MYO7B: variants seen among roughly 807,000 people sequenced by gnomAD.
MYO7B encodes the protein myosin VIIB.
MYO7B carries 212 observed loss-of-function variants against 259.7 expected under a neutral mutation model. That is an observed-to-expected ratio of 0.82 (90% CI 0.73 to 0.91). The LOEUF is 0.91. Among genes scored for constraint, MYO7B ranks in the 40% least tolerant of loss-of-function variants. The pLI is 0.00. For synonymous variants in MYO7B, 1,197 were observed against 1,166.4 expected (o/e 1.03, Z -0.54); for missense variants, 2,732 against 2,813.5 (o/e 0.97, Z 0.66).
chr2:127,636,154 G>A lies in MYO7B; in HGVS notation c.6007-54G>A. ...GGTAGGCAGGTGCTGCCCCCACCAGGGCTTTGGAGGGCCTCTGGGCACCCA... is the reference window on the plus strand; with the variant it reads ...GGTAGGCAGGTGCTGCCCCCACCAGAGCTTTGGAGGGCCTCTGGGCACCCA... On this transcript the variant is annotated intron_variant, in intron 44 of 47. Coordinates refer to ENST00000409816, the MANE Select transcript of MYO7B (RefSeq NM_001393586.1). The surrounding 1 kb of genome is among the most constrained non-coding windows in gnomAD (Gnocchi z 4.5). 2 of 1,442,448 alleles carry A rather than the reference G, an allele frequency of 1.4e-6. No homozygotes were observed. The highest frequency in any genetic ancestry group is 1.9e-6 in the Non-Finnish European group (2 of 1,033,642). 89.4% of individuals were successfully genotyped at this position (1,442,448 alleles called of 1,614,324 possible). A position where few individuals can be genotyped will look rare whatever the true frequency, so the allele number is the denominator to read the frequency against.
intron 1 of MYO7B, among the ~76,000 whole-genome samples, chr2:127,552,677 G>A (rs540651739): frequency 3.3e-5 from 5 of 152,222 alleles, no homozygotes; most frequent in East Asian, 3.9e-4. Flanking sequence ...ATGCTGCAGC[G>A]GGGAGGAGGG....
rs1019917444 is a variant in MYO7B, at chr2:127,596,540, C to T, written c.2323C>T (p.Arg775Trp). The change falls in exon 19 of 48, where the codon CGG (arginine) becomes TGG (tryptophan). Residue 775 changes from arginine (R) to tryptophan (W), a missense_variant. Physicochemically the swap from Arg to Trp is moderately radical, Grantham distance 101 (BLOSUM62 -3). Transcript: ENST00000409816. Reference protein sequence around the residue: ...RAALSIQKVLRGYRYRKEFLR... With the variant: ...RAALSIQKVLWGYRYRKEFLR... Reference sequence around the variant, plus strand: ...GGCGCTCAGCATCCAGAAAGTCCTTCGGGGCTACAGATACAGGTGCCGGCC... The same window carrying T: ...GGCGCTCAGCATCCAGAAAGTCCTTTGGGGCTACAGATACAGGTGCCGGCC... The T allele has an allele frequency of 1.1e-5, 17 of 1,612,378 alleles. No homozygotes were observed. The highest frequency in any genetic ancestry group is 1.3e-5 in the African/African-American group (1 of 75,000).
chr2:127,631,196 A>C lies in MYO7B; in HGVS notation c.4938-10A>C. ...CAGGGCAGGCCTCACACCAGCCTCT[A>C]ACCTCACAGGGCTCCAGAGAAGGAC... On this transcript the variant is annotated splice_polypyrimidine_tract_variant and intron_variant, in intron 36 of 47. Coordinates refer to ENST00000409816, the MANE Select transcript of MYO7B (RefSeq NM_001393586.1). 1.9e-6 allele frequency: 3 copies of C among 1,589,398 alleles called. No individual in the cohort carries two copies. The highest frequency in any genetic ancestry group is 2.6e-6 in the Non-Finnish European group (3 of 1,163,490).
intron 14 of MYO7B, among the ~76,000 whole-genome samples, chr2:127,587,767 C>T (rs943460418): frequency 1.3e-5 from 2 of 151,906 alleles, no homozygotes; most frequent in African/African-American, 4.8e-5. Context: ...CAGGGTTTCA[C>T]CATGTTGGTC....
chr2:127,565,184 C>T, intron 3 of MYO7B, 49 bp from the exon 4 acceptor site: 1 of 1,581,954 alleles, frequency 6.3e-7, no homozygotes. Context: ...GCAGGCTGGC[C>T]ATGGGGATGG....
rs767222044 is a variant in MYO7B, at chr2:127,620,341, G to T, written c.3400G>T (p.Asp1134Tyr). 1 of 1,611,336 alleles carries T rather than the reference G, an allele frequency of 6.2e-7. No individual in the cohort carries two copies. Among genetic ancestry groups the T allele is most frequent in the Non-Finnish European group, 8.5e-7 (1 of 1,178,052 alleles). Residue 1134 changes from aspartate to tyrosine, a missense_variant and splice_region_variant, in exon 27 of 48, where the codon GAT (aspartate) becomes TAT (tyrosine). This residue lies in a region of MYO7B where 1,906 missense variants were observed against 2,026.4 expected (regional missense o/e 0.94). Transcript: ENST00000409816. ...CTCCTAATGGTCTGTGTCTTTCAGG[G>T]ATGAGATTTACTGCCAGATCTGCAA... The part of the protein sequence containing the change: ...GYAILRPSLR[D>Y]EIYCQICKQL...
At chr2:127,555,963 CT>C (rs1483327314) in intron 1 of MYO7B, among the ~76,000 whole-genome samples, 1 of 152,160 alleles carries the variant, frequency 6.6e-6, no homozygotes, top group Non-Finnish European at 1.5e-5. Flanking sequence ...TGACTTCTGT[CT>C]TGAGGACCTG....
At chr2:127,562,104 G>A (rs1324645728) in intron 2 of MYO7B, among the ~76,000 whole-genome samples, 1 of 152,000 alleles carries the variant, frequency 6.6e-6, no homozygotes, top group African/African-American at 2.4e-5. Context: ...GTTGGATTAG[G>A]ACCACACCCT....
chr2:127,625,930 A>G (rs1681086036), intron 31 of MYO7B: 1 of 201,268 alleles, frequency 5.0e-6, no homozygotes, highest in Non-Finnish European at 9.9e-6. Flanking sequence ...GTGCATGGGA[A>G]CCCCCCAGGC....
chr2:127,592,969 C>T, intron 17 of MYO7B, 23 bp downstream of exon 17: 1 of 1,565,150 alleles, frequency 6.4e-7, no homozygotes, highest in Non-Finnish European at 8.6e-7. Flanking sequence ...CGGGGACGGT[C>T]ACCTCTGGCC....
chr2:127,613,254 G>A lies in MYO7B; in HGVS notation c.3398+651G>A, dbSNP rs192056487. Among the ~76,000 whole-genome samples, 307 of 152,216 alleles carry A rather than the reference G, an allele frequency of 2.0e-3. 4 individuals carry two copies. The highest frequency in any genetic ancestry group is 1.6e-3 in the Non-Finnish European group (110 of 68,018). Reference sequence around the variant, plus strand: ...TTGTTCTTCAGGTACCTAGGGGTCTGCTTATCTTTTCTTTCTTTTTTCTCT... The same window carrying A: ...TTGTTCTTCAGGTACCTAGGGGTCTACTTATCTTTTCTTTCTTTTTTCTCT... On this transcript the variant is annotated intron_variant, in intron 26 of 47. Transcript: ENST00000409816. The surrounding 1 kb of genome is among the most constrained non-coding windows in gnomAD (Gnocchi z 4.3).
Position 127,597,786 on chromosome 2 carries a change from C to T in MYO7B, c.2339+1230C>T, listed in dbSNP as rs954176130. Among the ~76,000 whole-genome samples the T allele has an allele frequency of 2.6e-5, 4 of 152,004 alleles. No homozygotes were observed. The highest frequency in any genetic ancestry group is 1.3e-4 in the Admixed American group (2 of 15,242). On this transcript the variant is annotated intron_variant, in intron 19 of 47. Coordinates refer to ENST00000409816, the MANE Select transcript of MYO7B (RefSeq NM_001393586.1). The surrounding 1 kb of genome is among the most constrained non-coding windows in gnomAD (Gnocchi z 4.8). Reference sequence around the variant, plus strand: ...AGTAGCTGGTACTACTACAGGCGCCCGCCACCATGCCTGGCTAATTATTGT... The same window carrying T: ...AGTAGCTGGTACTACTACAGGCGCCTGCCACCATGCCTGGCTAATTATTGT...
chr2:127,630,267 T>C (rs1573722022), intron 35 of MYO7B, among the ~76,000 whole-genome samples: 1 of 152,152 alleles, frequency 6.6e-6, no homozygotes, highest in African/African-American at 2.4e-5. Context: ...CTGGGCATAA[T>C]AGCAGCTCCA....
At position 127,623,325 on chromosome 2, in the gene MYO7B, G is replaced by A. The variant is rs754922832; in HGVS notation, c.3769G>A (p.Gly1257Ser). ...GTGCATGCACATCGCTCACAAGCAG[G>A]GCCTCAGCGACCACCTGGGCTTCTC... ...EMCMHIAHKQ[G>S]LSDHLGFSLQ... The change falls in exon 29 of 48, where the codon GGC becomes AGC. Residue 1257 changes from glycine to serine, a missense_variant. Physicochemically the swap from Gly to Ser is moderately conservative, Grantham distance 56. This residue lies in a region of MYO7B where 1,906 missense variants were observed against 2,026.4 expected (regional missense o/e 0.94). Coordinates refer to ENST00000409816, the MANE Select transcript of MYO7B (RefSeq NM_001393586.1). 3 of 1,610,898 alleles carry A rather than the reference G, an allele frequency of 1.9e-6. No individual in the cohort carries two copies. Among genetic ancestry groups the A allele is most frequent in the Non-Finnish European group, 2.5e-6 (3 of 1,178,624 alleles).
At chr2:127,634,968 T>C in intron 42 of MYO7B, 152 bp from the exon 43 acceptor site, 2 of 688,756 alleles carry the variant, frequency 2.9e-6, no homozygotes, top group Non-Finnish European at 5.1e-6. Flanking sequence ...GCCTCTACAC[T>C]AATATTGAAG....
Position 127,585,187 on chromosome 2 carries a change from A to T in MYO7B, c.1690+274A>T, listed in dbSNP as rs1052648950. ...ACTGTAATATATTCAGAGTATATTA[A>T]TGATTGCCACAATTTTAGAACTTTT... On this transcript the variant is annotated intron_variant, in intron 14 of 47. Transcript: ENST00000409816. This position sits in a 1 kb window ranked among gnomAD's most constrained non-coding sequence, Gnocchi z 4.3. Among the ~76,000 whole-genome samples the T allele has an allele frequency of 2.6e-5, 4 of 152,208 alleles. No homozygotes were observed. Among genetic ancestry groups the T allele is most frequent in the African/African-American group, 4.8e-5 (2 of 41,446 alleles).
intron 9 of MYO7B, among the ~76,000 whole-genome samples, chr2:127,578,812 C>T (rs746786536): frequency 1.1e-4 from 17 of 152,046 alleles, no homozygotes; most frequent in Non-Finnish European, 2.1e-4. Flanking sequence ...CAAGAACCGG[C>T]AGAAATAATA....
chr2:127,578,632 G>A (rs2104923997), intron 9 of MYO7B, among the ~76,000 whole-genome samples: 1 of 152,230 alleles, frequency 6.6e-6, no homozygotes, highest in South Asian at 2.1e-4. Flanking sequence ...GGATTAAGTT[G>A]TCCTGACCTG....
At chr2:127,604,836 T>A (rs1355663146) in intron 19 of MYO7B, among the ~76,000 whole-genome samples, 1 of 152,172 alleles carries the variant, frequency 6.6e-6, no homozygotes, top group Non-Finnish European at 1.5e-5. Context: ...CTTATATGGG[T>A]GCAGTTTGTG....
Sources: gnomAD v4.1 joint callset for allele counts (sites outside exome capture counted in the v4.1 genomes callset) on GRCh38, gnomAD v4.1.1 for gene constraint, gnomAD v4.1.1 regional missense constraint, Gnocchi (gnomAD v3.1) non-coding constraint, MANE v1.5 for transcripts, NCBI Gene and HGNC (gene_info 2026-07-23, HGNC 2026-07-21) for gene names.